The following LRP1B variants were observed in gnomAD, a reference collection of about 807,000 sequenced individuals.
LRP1B encodes the protein LDL receptor related protein 1B, also known as low-density lipoprotein receptor-related protein 1B.
In LRP1B, 217 loss-of-function variants were observed where a neutral mutation model predicts 556.6. The observed-to-expected ratio is 0.39, with a 90% CI of 0.35 to 0.44. LRP1B has a LOEUF of 0.44. Ranked by LOEUF, LRP1B falls within the 20% of genes least tolerant of loss-of-function variation. The probability of loss-of-function intolerance (pLI) is 1.00; values close to 1 mark genes in which losing one functional copy is unlikely to be tolerated. For missense variants in LRP1B, 5,053 were observed against 5,620.8 expected (o/e 0.90, Z 3.23); for synonymous variants, 2,047 against 1,865.8 (o/e 1.10, Z -2.50).
At chr2:140,950,591 A>G (rs1695684857) in intron 19 of LRP1B, among the ~76,000 whole-genome samples, 189 bp from the exon 20 acceptor site, 1 of 151,712 alleles carries the variant, frequency 6.6e-6, no homozygotes, top group South Asian at 2.1e-4. Context: ...CTCAAATGAT[A>G]CTCCCACTCC....
At chr2:141,388,066 A>C (rs1302274823) in intron 3 of LRP1B, among the ~76,000 whole-genome samples, 5 of 152,244 alleles carry the variant, frequency 3.3e-5, no homozygotes, top group Non-Finnish European at 1.5e-5. Flanking sequence ...TATTACTAAT[A>C]AAATGAAGGG....
At chr2:140,848,722 A>G (rs914787290) in intron 29 of LRP1B, among the ~76,000 whole-genome samples, 5 of 152,198 alleles carry the variant, frequency 3.3e-5, no homozygotes, top group Non-Finnish European at 5.9e-5. Flanking sequence ...GCGTCTTTGG[A>G]TATTCAGTCA....
At chr2:141,518,524 A>C (rs1684407880) in intron 2 of LRP1B, among the ~76,000 whole-genome samples, 1 of 152,108 alleles carries the variant, frequency 6.6e-6, no homozygotes, top group African/African-American at 2.4e-5. Flanking sequence ...GCTACAGAGA[A>C]CTCACATAAA....
intron 79 of LRP1B, among the ~76,000 whole-genome samples, chr2:140,330,716 A>G (rs980891163): frequency 8.5e-5 from 13 of 152,164 alleles, no homozygotes; most frequent in Non-Finnish European, 1.9e-4. Flanking sequence ...GAAAAAATTG[A>G]CAAATAGGAT....
intron 1 of LRP1B, among the ~76,000 whole-genome samples, chr2:141,828,268 T>C (rs1288102621): frequency 1.3e-5 from 2 of 152,132 alleles, no homozygotes; most frequent in East Asian, 3.9e-4. Flanking sequence ...ATGGTAAAAT[T>C]ATGAAAAGCT....
At chr2:140,679,465 G>A (rs978399072) in intron 41 of LRP1B, among the ~76,000 whole-genome samples, 4 of 152,114 alleles carry the variant, frequency 2.6e-5, no homozygotes, top group Non-Finnish European at 5.9e-5. Context: ...ATGAACTAAT[G>A]TACATTAATG....
In LRP1B at chr2:140,771,520, AGAAATATAATTCTCCC is replaced by A. The variant is rs559312445; in HGVS notation, c.5501-530_5501-515del. 2.0e-4 allele frequency among the ~76,000 whole-genome samples: 31 copies of A among 152,306 alleles called. No individual in the cohort carries two copies. In the South Asian group the frequency reaches 6.4e-3, roughly 32 times the overall value. On this transcript the variant is annotated intron_variant, in intron 33 of 90. Transcript: ENST00000389484. ...CAGGGAAATAAATTTTCTCATTCAT[AGAAATATAATTCTCCC>A]GAAATATATGAAAAACACAGCCATA...
intron 41 of LRP1B, among the ~76,000 whole-genome samples, chr2:140,695,274 C>T (rs1367435554): frequency 1.3e-5 from 2 of 151,984 alleles, no homozygotes; most frequent in Non-Finnish European, 2.9e-5. Context: ...AGTTTTTGCT[C>T]CACAGAGCAT....
intron 1 of LRP1B, among the ~76,000 whole-genome samples, chr2:141,811,458 T>A (rs1696355576): frequency 6.6e-6 from 1 of 151,990 alleles, no homozygotes; most frequent in Non-Finnish European, 1.5e-5. Flanking sequence ...TAATACTATA[T>A]CTTACACTCA....
In LRP1B at chr2:141,120,826, T is replaced by C. The variant is rs116792882; in HGVS notation, c.1014-58553A>G. On this transcript the variant is annotated intron_variant, in intron 7 of 90. Coordinates refer to ENST00000389484, the MANE Select transcript of LRP1B (RefSeq NM_018557.3). ...TATTGTGAGACTCCTGATAGGAATT[T>C]GAAACAAGTGGTTACAGTCAGAAAA... Among the ~76,000 whole-genome samples the C allele has an allele frequency of 7.4e-3, 1,120 of 152,112 alleles. 6 individuals carry two copies. The highest frequency in any genetic ancestry group is 0.011 in the Non-Finnish European group (747 of 67,910).
At chr2:140,820,182 A>G (rs1486130) in intron 31 of LRP1B, among the ~76,000 whole-genome samples, 129,059 of 152,010 alleles carry the variant, frequency 0.85, 55,374 homozygotes, top group East Asian at 0.99. Context: ...GCTTTGCCAC[A>G]TTGGCCAGGC....
chr2:141,655,421 A>G (rs1182205217), intron 2 of LRP1B, among the ~76,000 whole-genome samples: 1 of 152,164 alleles, frequency 6.6e-6, no homozygotes, highest in Non-Finnish European at 1.5e-5. Context: ...TCCAATTTGC[A>G]TAACTAGAAA....
At chr2:140,486,931 G>A (rs1688495627) in intron 58 of LRP1B, among the ~76,000 whole-genome samples, 1 of 151,818 alleles carries the variant, frequency 6.6e-6, no homozygotes, top group Non-Finnish European at 1.5e-5. Context: ...AATTATGTAT[G>A]ATATTATAGA....
intron 60 of LRP1B, among the ~76,000 whole-genome samples, chr2:140,458,406 A>C (rs1687189283): frequency 6.6e-6 from 1 of 152,174 alleles, no homozygotes; most frequent in African/African-American, 2.4e-5. Flanking sequence ...CCAGGGTCCT[A>C]TCCAGTAAAT....
At chr2:140,937,286 A>G (rs1473245018) in intron 20 of LRP1B, among the ~76,000 whole-genome samples, 1 of 152,168 alleles carries the variant, frequency 6.6e-6, no homozygotes, top group African/African-American at 2.4e-5. Flanking sequence ...AAATACGGAC[A>G]TATGCTACAG....
chr2:141,796,042 T>C (rs1695802022), intron 2 of LRP1B, among the ~76,000 whole-genome samples: 1 of 151,282 alleles, frequency 6.6e-6, no homozygotes, highest in South Asian at 2.1e-4. Flanking sequence ...AATAGTATAT[T>C]ATTGATAGCC....
chr2:140,321,807 C>A (rs1680148528), intron 82 of LRP1B, among the ~76,000 whole-genome samples, 156 bp downstream of exon 82: 1 of 151,992 alleles, frequency 6.6e-6, no homozygotes, highest in South Asian at 2.1e-4. Flanking sequence ...AAAGTCTTCT[C>A]CAGAGAAAAG....
intron 1 of LRP1B, among the ~76,000 whole-genome samples, chr2:141,972,512 GTTATTT>G (rs999585766): frequency 1.3e-5 from 2 of 150,672 alleles, no homozygotes; most frequent in African/African-American, 4.9e-5. Flanking sequence ...ATTTCCAGGT[GTTATTT>G]TTAAGTTCTG....
intron 7 of LRP1B, among the ~76,000 whole-genome samples, chr2:141,154,591 TTA>T (rs1702019158): frequency 6.6e-6 from 1 of 151,914 alleles, no homozygotes; most frequent in South Asian, 2.1e-4. Flanking sequence ...GCTGTACTGC[TTA>T]TTATATACCT....
Sources: gnomAD v4.1 joint callset for allele counts (sites outside exome capture counted in the v4.1 genomes callset) on GRCh38, gnomAD v4.1.1 for gene constraint, MANE v1.5 for transcripts, NCBI Gene and HGNC (gene_info 2026-07-23, HGNC 2026-07-21) for gene names.